GAD2: variants seen among roughly 807,000 people sequenced by gnomAD.
GAD2 encodes glutamate decarboxylase 2.
GAD2 carries 22 observed loss-of-function variants against 80.1 expected under a neutral mutation model. That is an observed-to-expected ratio of 0.27 (90% CI 0.20 to 0.39). The LOEUF (loss-of-function observed/expected upper bound fraction) is 0.39, where lower values mean the gene tolerates loss of function less well. Among genes scored for constraint, GAD2 ranks in the 10% least tolerant of loss-of-function variants. The probability of loss-of-function intolerance (pLI) is 1.00; values close to 1 mark genes in which losing one functional copy is unlikely to be tolerated. For synonymous variants in GAD2, 274 were observed against 256.9 expected, an observed-to-expected ratio of 1.07 and a Z score of -0.64; for missense variants, 624 against 738.4, an observed-to-expected ratio of 0.85 and a Z score of 1.80.
At chr10:26,280,655 G>A (rs1404659153) in intron 11 of GAD2, among the ~76,000 whole-genome samples, 6 of 151,940 alleles carry the variant, frequency 3.9e-5, no homozygotes, top group Admixed American at 2.6e-4. Context: ...TTGGGGGTCC[G>A]AGATATTTTC....
In GAD2 at chr10:26,286,501, A is replaced by G; in HGVS notation, c.1386+7A>G. 6.2e-7 allele frequency: 1 copy of G among 1,610,522 alleles called. No individual in the cohort carries two copies. The highest frequency in any genetic ancestry group is 8.5e-7 in the Non-Finnish European group (1 of 1,179,124). Reference sequence around the variant, plus strand: ...GCTGATGTGGAGGGCAAAGGTGAGTATGTATGGACCAGCTAAATGTCAACT... The same window carrying G: ...GCTGATGTGGAGGGCAAAGGTGAGTGTGTATGGACCAGCTAAATGTCAACT... On this transcript the variant is annotated splice_region_variant and intron_variant, in intron 13 of 15. Transcript: ENST00000376261.
chr10:26,232,591 G>C (rs1844618328), intron 7 of GAD2, among the ~76,000 whole-genome samples: 1 of 151,636 alleles, frequency 6.6e-6, no homozygotes, highest in South Asian at 2.1e-4. Context: ...CCATCTCTGG[G>C]GTTCAAGAGA....
intron 8 of GAD2, among the ~76,000 whole-genome samples, chr10:26,256,618 T>C (rs1311122910): frequency 6.6e-6 from 1 of 152,210 alleles, no homozygotes; most frequent in African/African-American, 2.4e-5. Context: ...GCAGGTGATT[T>C]GGATTCATCT....
At chr10:26,225,841 GA>G (rs553990028) in intron 6 of GAD2, among the ~76,000 whole-genome samples, 65 of 152,334 alleles carry the variant, frequency 4.3e-4, no homozygotes, top group African/African-American at 1.6e-3. Flanking sequence ...CACCAGCTGT[GA>G]TGAATTTTAA....
intron 7 of GAD2, among the ~76,000 whole-genome samples, chr10:26,245,209 C>T (rs1357820037): frequency 1.9e-4 from 23 of 121,220 alleles, no homozygotes; most frequent in Non-Finnish European, 3.8e-4. Flanking sequence ...TGGTGCCTGT[C>T]GGGGCTGGGG....
intron 8 of GAD2, among the ~76,000 whole-genome samples, chr10:26,247,551 G>A (rs1844823978): frequency 1.3e-5 from 2 of 152,088 alleles, no homozygotes; most frequent in Middle Eastern, 3.2e-3. Context: ...GCAGAGGCAT[G>A]GGGGAGGGGC....
At chr10:26,256,481 A>G (rs1844944773) in intron 8 of GAD2, among the ~76,000 whole-genome samples, 1 of 152,200 alleles carries the variant, frequency 6.6e-6, no homozygotes, top group Non-Finnish European at 1.5e-5. Context: ...TATCTTTCCC[A>G]GTCCGGGATC....
chr10:26,240,833 G>C (rs1216966515), intron 7 of GAD2, among the ~76,000 whole-genome samples: 1 of 151,804 alleles, frequency 6.6e-6, no homozygotes, highest in Non-Finnish European at 1.5e-5. Flanking sequence ...TCAGGAGATC[G>C]AGACCATCCT....
In GAD2 at chr10:26,237,127, G is replaced by A. The variant is rs185668305; in HGVS notation, c.840+7350G>A. On this transcript the variant is annotated intron_variant, in intron 7 of 15. Transcript: ENST00000376261. The stretch of plus-strand genomic sequence containing the variant: ...TCTGGCACGGGGGAGAGAGCAGTGG[G>A]CAGAACACACCCAGTGCCCGCTCTC... Among the ~76,000 whole-genome samples the A allele has an allele frequency of 1.8e-4, 28 of 152,248 alleles. 1 individual carries two copies. In the East Asian group the frequency reaches 5.0e-3, roughly 27 times the overall value.
chr10:26,218,806 G>C (rs1844417567), intron 3 of GAD2, among the ~76,000 whole-genome samples: 1 of 152,120 alleles, frequency 6.6e-6, no homozygotes, highest in Admixed American at 6.6e-5. Flanking sequence ...AACAATATAA[G>C]TTATGAATTG....
intron 10 of GAD2, among the ~76,000 whole-genome samples, chr10:26,272,949 C>G (rs7903208): frequency 6.6e-6 from 1 of 151,978 alleles, no homozygotes; most frequent in African/African-American, 2.4e-5. Flanking sequence ...TTTTATAATC[C>G]ATTTAAAATT....
intron 4 of GAD2, among the ~76,000 whole-genome samples, chr10:26,223,603 C>T (rs1309931983): frequency 2.0e-5 from 3 of 151,350 alleles, no homozygotes; most frequent in Admixed American, 6.6e-5. Flanking sequence ...TTATAGGGTC[C>T]GATTAAAGGA....
In GAD2 at chr10:26,293,763, A is replaced by G. The variant is rs950651057; in HGVS notation, c.1584+772A>G. Among the ~76,000 whole-genome samples the G allele has an allele frequency of 2.2e-4, 33 of 152,196 alleles. 1 individual carries two copies. Among genetic ancestry groups the G allele is most frequent in the African/African-American group, 8.0e-4 (33 of 41,450 alleles). ...GAGCTGTGGTGACCCCTAGAAGGTA[A>G]GAGGGCAAAGAGCAATAATAACAGC... is the stretch of plus-strand genomic sequence containing the variant. On this transcript the variant is annotated intron_variant, in intron 15 of 15. Coordinates refer to ENST00000376261, the MANE Select transcript of GAD2 (RefSeq NM_001134366.2).
chr10:26,217,728 C>T lies in GAD2; in HGVS notation c.136+59C>T. The stretch of plus-strand genomic sequence containing the variant: ...GCCCGCGGGGTCCAAGCAGTCTTCT[C>T]ACCTCCGCATCCCAGTCAGCGGAGT... On this transcript the variant is annotated intron_variant, in intron 2 of 15. Transcript: ENST00000376261. The surrounding 1 kb of genome is among the most constrained non-coding windows in gnomAD (Gnocchi z 4.9). The T allele has an allele frequency of 6.3e-7, 1 of 1,597,278 alleles. No homozygotes were observed. Among genetic ancestry groups the T allele is most frequent in the Non-Finnish European group, 8.5e-7 (1 of 1,171,112 alleles).
At chr10:26,245,443 T>C (rs1029836840) in intron 7 of GAD2, among the ~76,000 whole-genome samples, 2 of 60,972 alleles carry the variant, frequency 3.3e-5, no homozygotes, top group African/African-American at 3.4e-4. Flanking sequence ...TTTACCACAA[T>C]TTTTTTTTTT....
intron 11 of GAD2, among the ~76,000 whole-genome samples, chr10:26,275,890 G>A (rs1281527840): frequency 1.3e-5 from 2 of 152,176 alleles, no homozygotes; most frequent in East Asian, 3.8e-4. Flanking sequence ...GGCCGGGCAC[G>A]GTGCTTGTAA....
chr10:26,276,319 C>T (rs1211296987), intron 11 of GAD2, among the ~76,000 whole-genome samples: 5 of 152,114 alleles, frequency 3.3e-5, no homozygotes, highest in African/African-American at 1.2e-4. Flanking sequence ...GCTGAGAGGG[C>T]ACGCCACAAA....
At chr10:26,226,154 T>C (rs1321194991) in intron 6 of GAD2, among the ~76,000 whole-genome samples, 1 of 152,076 alleles carries the variant, frequency 6.6e-6, no homozygotes, top group Non-Finnish European at 1.5e-5. Context: ...TCCCCGGGAG[T>C]AGGGAGAGGA....
At chr10:26,267,455 T>A (rs1845085202) in intron 8 of GAD2, among the ~76,000 whole-genome samples, 1 of 152,232 alleles carries the variant, frequency 6.6e-6, no homozygotes, top group Non-Finnish European at 1.5e-5. Flanking sequence ...TAGGAAGATT[T>A]ATAAGGAGTG....
Sources: gnomAD v4.1 joint callset for allele counts (sites outside exome capture counted in the v4.1 genomes callset) on GRCh38, gnomAD v4.1.1 for gene constraint, Gnocchi (gnomAD v3.1) non-coding constraint, MANE v1.5 for transcripts, NCBI Gene and HGNC (gene_info 2026-07-23, HGNC 2026-07-21) for gene names.